Variants in ADARB2 observed in about 807,000 individuals in gnomAD.
ADARB2 encodes adenosine deaminase RNA specific B2 (inactive).
Under a neutral mutation model 62.2 loss-of-function variants are expected in ADARB2, and 25 were observed. The observed-to-expected ratio is 0.40, with a 90% CI of 0.29 to 0.56. ADARB2 has a LOEUF of 0.56. ADARB2 is among the 20% of genes least tolerant of loss of function. ADARB2 has a pLI of 0.43. For missense variants in ADARB2, 1,071 were observed against 1,077.4 expected (o/e 0.99, Z 0.08); for synonymous variants, 572 against 500.8 (o/e 1.14, Z -1.90).
chr10:1,431,324 C>T (rs1830775774), intron 1 of ADARB2, among the ~76,000 whole-genome samples: 1 of 152,124 alleles, frequency 6.6e-6, no homozygotes, highest in African/African-American at 2.4e-5. Flanking sequence ...AAACAACACA[C>T]TTCTAAATAA....
chr10:1,705,287 C>T (rs953013743), intron 1 of ADARB2, among the ~76,000 whole-genome samples: 5 of 152,154 alleles, frequency 3.3e-5, no homozygotes, highest in East Asian at 1.9e-4. Flanking sequence ...GGTGCCTCTG[C>T]CCACTCTATG....
At chr10:1,362,865 C>A (rs1040171946) in intron 3 of ADARB2, among the ~76,000 whole-genome samples, 163 bp downstream of exon 3, 41 of 152,322 alleles carry the variant, frequency 2.7e-4, no homozygotes, top group African/African-American at 9.1e-4. Context: ...ACCTGTTCTC[C>A]CATCAATCAC....
chr10:1,662,265 G>C (rs1379617114), intron 1 of ADARB2, among the ~76,000 whole-genome samples: 2 of 152,200 alleles, frequency 1.3e-5, no homozygotes, highest in African/African-American at 4.8e-5. Context: ...CGGGTTTGAG[G>C]AGGAATTCAT....
At chr10:1,415,544 G>T (rs181145199) in intron 1 of ADARB2, among the ~76,000 whole-genome samples, 1 of 152,004 alleles carries the variant, frequency 6.6e-6, no homozygotes, top group African/African-American at 2.4e-5. Flanking sequence ...TTTGGGAATA[G>T]GGTGACTCTC....
At position 1,363,655 on chromosome 10, in the gene ADARB2, C is replaced by T. The variant is rs757352052; in HGVS notation, c.450G>A (p.Pro150=). 6.1e-5 allele frequency: 98 copies of T among 1,607,552 alleles called. No homozygotes were observed. Among genetic ancestry groups the T allele is most frequent in the Non-Finnish European group, 7.7e-5 (91 of 1,177,104 alleles). Residue 150 remains proline, a synonymous_variant, in exon 3 of 10, where the codon CCG becomes CCA. Transcript: ENST00000381312. ...LQYRTVSQTG[P]VHAPVFAVAV... ...CTACCGCGAAGACCGGGGCATGCAC[C>T]GGGCCCGTCTGCGACACTGTCCGGT...
chr10:1,277,581 A>G (rs1831329603), intron 3 of ADARB2, among the ~76,000 whole-genome samples: 1 of 152,220 alleles, frequency 6.6e-6, no homozygotes, highest in African/African-American at 2.4e-5. Context: ...GAATAGACCA[A>G]AAACAGGCTC....
intron 1 of ADARB2, among the ~76,000 whole-genome samples, chr10:1,484,687 T>TG (rs147976951): frequency 1.9e-3 from 289 of 152,220 alleles, no homozygotes; most frequent in South Asian, 0.015. Context: ...TGTATGCAGG[T>TG]GAGGAGGCAC....
intron 1 of ADARB2, among the ~76,000 whole-genome samples, chr10:1,457,757 A>G (rs1465758954): frequency 6.6e-6 from 1 of 152,078 alleles, no homozygotes. Flanking sequence ...GCCTTTCAGG[A>G]TAGATATCCC....
At chr10:1,423,959 T>C (rs1832872757) in intron 1 of ADARB2, among the ~76,000 whole-genome samples, 1 of 152,222 alleles carries the variant, frequency 6.6e-6, no homozygotes, top group Non-Finnish European at 1.5e-5. Context: ...CCACTATGTA[T>C]GCAGTAGGAC....
Position 1,609,507 on chromosome 10 carries a change from T to C in ADARB2, c.100+127544A>G, listed in dbSNP as rs536684188. On this transcript the variant is annotated intron_variant, in intron 1 of 9. Transcript: ENST00000381312. ...GGACCCACAAATCTGCTCTCCTGCA[T>C]GCATCCAACAGCTGCCATCTCTTCC... Among the ~76,000 whole-genome samples the C allele has an allele frequency of 2.8e-4, 43 of 152,350 alleles. No homozygotes were observed. In the South Asian group the frequency reaches 4.2e-3, roughly 15 times the overall value.
At position 1,183,160 on chromosome 10, in the gene ADARB2, C is replaced by A. The variant is rs1489583351; in HGVS notation, c.*33G>T. 6.2e-7 allele frequency: 1 copy of A among 1,607,020 alleles called. No individual in the cohort carries two copies. Among genetic ancestry groups the A allele is most frequent in the Non-Finnish European group, 8.5e-7 (1 of 1,176,244 alleles). On this transcript the variant is annotated 3_prime_UTR_variant, in exon 10 of 10. Coordinates refer to ENST00000381312, the MANE Select transcript of ADARB2 (RefSeq NM_018702.4). ...AGACACGGTCCCATCCCTCCAGCGT[C>A]CCGCTCAGCTCCAGCAGCCAGGAGC...
intron 3 of ADARB2, among the ~76,000 whole-genome samples, chr10:1,331,796 T>G (rs189571021): frequency 1.3e-5 from 2 of 152,214 alleles, no homozygotes; most frequent in Non-Finnish European, 2.9e-5. Context: ...GTTCTAGATT[T>G]TTTTCCTTTA....
chr10:1,535,436 T>G (rs1474422423), intron 1 of ADARB2, among the ~76,000 whole-genome samples: 1 of 152,192 alleles, frequency 6.6e-6, no homozygotes, highest in East Asian at 1.9e-4. Flanking sequence ...TCAGATTAAA[T>G]GTATCTCCTT....
intron 1 of ADARB2, among the ~76,000 whole-genome samples, chr10:1,438,843 T>G (rs77292047): frequency 8.0e-6 from 1 of 124,980 alleles, no homozygotes; most frequent in African/African-American, 3.1e-5. Context: ...GGTCCTTCAC[T>G]GTGGGGCTTC....
intron 1 of ADARB2, among the ~76,000 whole-genome samples, chr10:1,585,839 C>T (rs563770000): frequency 7.4e-4 from 113 of 152,244 alleles, no homozygotes; most frequent in East Asian, 1.2e-3. Context: ...TCGAGACCAT[C>T]CTGGCTAACA....
intron 4 of ADARB2, among the ~76,000 whole-genome samples, chr10:1,267,000 TAG>T (rs899526715): frequency 4.7e-4 from 72 of 152,064 alleles, no homozygotes; most frequent in African/African-American, 1.3e-3. Flanking sequence ...AGAAAATTAA[TAG>T]AGTGTTGCAA....
intron 2 of ADARB2, among the ~76,000 whole-genome samples, chr10:1,369,131 T>C: frequency 6.6e-6 from 1 of 152,126 alleles, no homozygotes; most frequent in African/African-American, 2.4e-5. Context: ...ACACGGAAGG[T>C]ATTAAATGTG....
chr10:1,637,430 A>C (rs1277390932), intron 1 of ADARB2, among the ~76,000 whole-genome samples: 2 of 152,218 alleles, frequency 1.3e-5, no homozygotes, highest in Non-Finnish European at 2.9e-5. Flanking sequence ...GAAACCCATT[A>C]TACTCTTGAA....
At chr10:1,216,663 A>G (rs916900284) in intron 7 of ADARB2, 6 of 465,820 alleles carry the variant, frequency 1.3e-5, no homozygotes, top group South Asian at 1.2e-4. Context: ...TGTTTGCCCC[A>G]TGCAGCCACA....
Sources: allele counts gnomAD v4.1 joint callset (sites outside exome capture counted in the v4.1 genomes callset), GRCh38; gene constraint gnomAD v4.1.1; transcripts MANE v1.5; gene names NCBI Gene and HGNC (gene_info 2026-07-23, HGNC 2026-07-21).